Variants in DENND5A observed in about 807,000 individuals in gnomAD.
DENND5A encodes the protein DENN domain-containing protein 5A.
A neutral mutation model predicts 140.3 loss-of-function variants in DENND5A; 64 were observed. The ratio of observed to expected loss-of-function variants is 0.46; its 90% CI spans 0.37 to 0.56. DENND5A has a LOEUF of 0.56. Among genes scored for constraint, DENND5A ranks in the 20% least tolerant of loss-of-function variants. DENND5A has a pLI of 0.00. For synonymous variants in DENND5A, 605 were observed against 607.7 expected, an observed-to-expected ratio of 1.00 and a Z score of 0.07; for missense variants, 1,292 against 1,593.8, an observed-to-expected ratio of 0.81 and a Z score of 3.22.
At chr11:9,145,586 T>G (rs1847401076) in intron 17 of DENND5A, 84 bp downstream of exon 17, 1 of 1,454,118 alleles carries the variant, frequency 6.9e-7, no homozygotes, top group Non-Finnish European at 9.6e-7. Context: ...TAGCAAGCCC[T>G]CTGAAAAACC....
chr11:9,196,211 C>T (rs1849322907), intron 4 of DENND5A, among the ~76,000 whole-genome samples: 1 of 152,170 alleles, frequency 6.6e-6, no homozygotes, highest in Admixed American at 6.5e-5. Context: ...CCTCGGCCTC[C>T]CAAACTGCTG....
chr11:9,243,787 G>A (rs991917198), intron 1 of DENND5A, among the ~76,000 whole-genome samples: 6 of 152,136 alleles, frequency 3.9e-5, no homozygotes, highest in African/African-American at 1.4e-4. Context: ...TTGGGAGGCT[G>A]AGGCAGGAGA....
intron 11 of DENND5A, among the ~76,000 whole-genome samples, chr11:9,165,446 G>A (rs1030960319): frequency 3.5e-5 from 4 of 115,288 alleles, no homozygotes; most frequent in African/African-American, 8.3e-5. Flanking sequence ...TTATATTAAC[G>A]ATTTTTTTTT....
rs530988096 is a variant in DENND5A, at chr11:9,234,312, A to AT, written c.110-26681dup. Among the ~76,000 whole-genome samples the AT allele has an allele frequency of 1.5e-4, 22 of 151,638 alleles. No homozygotes were observed. In the East Asian group the frequency reaches 4.3e-3, roughly 29 times the overall value. ...GCCCAAACCTCAATCTTTCCCACCG[A>AT]TCCCCCCCCCAAAAAAATGAGCAAA... On this transcript the variant is annotated intron_variant, in intron 1 of 22. Transcript: ENST00000328194.
At chr11:9,218,207 T>C (rs775668202) in intron 1 of DENND5A, among the ~76,000 whole-genome samples, 1 of 150,962 alleles carries the variant, frequency 6.6e-6, no homozygotes, top group Non-Finnish European at 1.5e-5. Flanking sequence ...TGCAGTGAGC[T>C]GAGATAGCAC....
In DENND5A at chr11:9,246,166, A is replaced by T. The variant is rs575759710; in HGVS notation, c.109+18795T>A. On this transcript the variant is annotated intron_variant, in intron 1 of 22. Coordinates refer to ENST00000328194, the MANE Select transcript of DENND5A (RefSeq NM_015213.4). ...GACTGAGCAACCTGTTAAACAAGAC[A>T]GTAGCCTAAAACAATAGCCAAAGAA... Among the ~76,000 whole-genome samples, 3 of 152,304 alleles carry T rather than the reference A, an allele frequency of 2.0e-5. No individual in the cohort carries two copies. The South Asian group carries it at 6.2e-4, about 32-fold the overall frequency.
At chr11:9,195,542 A>T (rs886632484) in intron 4 of DENND5A, among the ~76,000 whole-genome samples, 4 of 152,222 alleles carry the variant, frequency 2.6e-5, no homozygotes, top group African/African-American at 9.6e-5. Flanking sequence ...GATGTTATGC[A>T]CTAAAAACCC....
intron 17 of DENND5A, 118 bp from the exon 18 acceptor site, chr11:9,145,231 T>G (rs887801264): frequency 7.9e-6 from 6 of 758,808 alleles, no homozygotes; most frequent in African/African-American, 6.9e-5. Context: ...TCTGCAGGCT[T>G]AGAGGTCATG....
At chr11:9,186,227 C>T (rs957151202) in intron 5 of DENND5A, among the ~76,000 whole-genome samples, 3 of 152,200 alleles carry the variant, frequency 2.0e-5, no homozygotes, top group African/African-American at 7.2e-5. Flanking sequence ...CAACTTTGAA[C>T]CCCACCTAGT....
At position 9,167,352 on chromosome 11, in the gene DENND5A, A is replaced by G. The variant is rs1325953195; in HGVS notation, c.2152-1385T>C. 2.0e-5 allele frequency among the ~76,000 whole-genome samples: 3 copies of G among 151,130 alleles called. No individual in the cohort carries two copies. The East Asian group carries it at 5.9e-4, about 30-fold the overall frequency. On this transcript the variant is annotated intron_variant, in intron 10 of 22. Coordinates refer to ENST00000328194, the MANE Select transcript of DENND5A (RefSeq NM_015213.4). The stretch of plus-strand genomic sequence containing the variant: ...GTCTCCTAACTTGTTAGCTATCTCC[A>G]TACCACCCTCCTCCAAAATATTCTG...
At chr11:9,245,823 G>A (rs955656312) in intron 1 of DENND5A, among the ~76,000 whole-genome samples, 4 of 151,826 alleles carry the variant, frequency 2.6e-5, no homozygotes, top group South Asian at 4.2e-4. Context: ...TAGTAGAGAC[G>A]GGGTTTTACC....
intron 1 of DENND5A, among the ~76,000 whole-genome samples, chr11:9,255,098 A>G (rs1160734002): frequency 2.0e-5 from 3 of 146,650 alleles, no homozygotes; most frequent in African/African-American, 7.3e-5. Flanking sequence ...ATAAAATAAA[A>G]TAATAAAAAT....
intron 5 of DENND5A, among the ~76,000 whole-genome samples, chr11:9,182,985 AC>A (rs1206531368): frequency 1.3e-5 from 2 of 152,142 alleles, no homozygotes; most frequent in African/African-American, 4.8e-5. Context: ...CATTACATAC[AC>A]CCCCATTTGA....
intron 1 of DENND5A, among the ~76,000 whole-genome samples, chr11:9,245,015 TG>T (rs761009395): frequency 2.1e-5 from 3 of 146,218 alleles, no homozygotes; most frequent in Non-Finnish European, 4.5e-5. Context: ...CCGGGTGCGG[TG>T]GCTCATGCCT....
At chr11:9,234,450 G>A (rs921381803) in intron 1 of DENND5A, among the ~76,000 whole-genome samples, 2 of 151,872 alleles carry the variant, frequency 1.3e-5, no homozygotes, top group African/African-American at 4.8e-5. Flanking sequence ...AAAACACGAC[G>A]ACAGCAAAAA....
chr11:9,155,970 T>A (rs902157906), intron 12 of DENND5A, among the ~76,000 whole-genome samples: 1 of 152,190 alleles, frequency 6.6e-6, no homozygotes, highest in Non-Finnish European at 1.5e-5. Flanking sequence ...CAGATAATAA[T>A]GGGCGGTTGC....
At chr11:9,169,527 AC>A (rs893119915) in intron 10 of DENND5A, among the ~76,000 whole-genome samples, 15 of 151,444 alleles carry the variant, frequency 9.9e-5, no homozygotes, top group Admixed American at 2.6e-4. Flanking sequence ...ACACACACAC[AC>A]AAAACTCACA....
chr11:9,250,911 G>T (rs779280115), intron 1 of DENND5A, among the ~76,000 whole-genome samples: 2 of 151,874 alleles, frequency 1.3e-5, no homozygotes, highest in Non-Finnish European at 2.9e-5. Context: ...AGGCGGGTGG[G>T]TCACCTAAGG....
rs749522855 is a variant in DENND5A, at chr11:9,203,993, A to C, written c.616T>G (p.Cys206Gly). 1.7e-5 allele frequency: 27 copies of C among 1,614,044 alleles called. No homozygotes were observed. Among genetic ancestry groups the C allele is most frequent in the Non-Finnish European group, 3.4e-6 (4 of 1,180,038 alleles). ...ISRDTLYVSK[C>G]ICLITPMSFM... ...GACATGGGTGTGATGAGGCAGATGC[A>C]CTTAGAGACGTAGAGAGTGTCCCGG... The change falls in exon 4 of 23, where the codon TGC becomes GGC. Residue 206 changes from cysteine to glycine, a missense_variant. By Grantham distance (159) the Cys-to-Gly change is radical (BLOSUM62 -3). This residue lies in a region of DENND5A where 566 missense variants were observed against 650.4 expected (regional missense o/e 0.87). Transcript: ENST00000328194.
Sources: gnomAD v4.1 joint callset for allele counts (sites outside exome capture counted in the v4.1 genomes callset) on GRCh38, gnomAD v4.1.1 for gene constraint, gnomAD v4.1.1 regional missense constraint, MANE v1.5 for transcripts, NCBI Gene and HGNC (gene_info 2026-07-23, HGNC 2026-07-21) for gene names.